Variants in MGAT4C observed in about 807,000 individuals in gnomAD.
MGAT4C encodes the protein alpha-1,3-mannosyl-glycoprotein 4-beta-N-acetylglucosaminyltransferase C.
Under a neutral mutation model 40.1 loss-of-function variants are expected in MGAT4C, and 19 were observed. The ratio of observed to expected loss-of-function variants is 0.47; its 90% confidence interval spans 0.33 to 0.70. The LOEUF is 0.70. Among genes scored for constraint, MGAT4C ranks in the 30% least tolerant of loss-of-function variants. The pLI is 0.02. For synonymous variants in MGAT4C, 181 were observed against 187.1 expected, an observed-to-expected ratio of 0.97 and a Z score of 0.27; for missense variants, 491 against 563.2, an observed-to-expected ratio of 0.87 and a Z score of 1.30.
At chr12:86,788,243 A>G (rs1288162346) in intron 1 of MGAT4C, among the ~76,000 whole-genome samples, 2 of 150,606 alleles carry the variant, frequency 1.3e-5, no homozygotes, top group African/African-American at 4.9e-5. Context: ...TACAGTGGGT[A>G]TCTGTTTTTA....
chr12:86,087,991 G>C (rs914262194), intron 1 of MGAT4C, among the ~76,000 whole-genome samples: 1 of 151,936 alleles, frequency 6.6e-6, no homozygotes, highest in African/African-American at 2.4e-5. Flanking sequence ...TGTATTATAA[G>C]CGTACAGTAA....
chr12:86,765,996 G>A (rs962765792), intron 1 of MGAT4C, among the ~76,000 whole-genome samples: 3 of 152,048 alleles, frequency 2.0e-5, no homozygotes, highest in Non-Finnish European at 2.9e-5. Flanking sequence ...CATAATGACA[G>A]GATCAAATTC....
intron 1 of MGAT4C, among the ~76,000 whole-genome samples, chr12:86,157,288 C>A (rs1470452723): frequency 6.6e-6 from 1 of 151,892 alleles, no homozygotes; most frequent in Non-Finnish European, 1.5e-5. Context: ...GCATAACGAC[C>A]ATCGGTCGAT....
At chr12:86,711,588 C>A (rs2136631943) in intron 2 of MGAT4C, among the ~76,000 whole-genome samples, 1 of 151,984 alleles carries the variant, frequency 6.6e-6, no homozygotes, top group South Asian at 2.1e-4. Context: ...AGTAGTACAA[C>A]TTTTTTAGTT....
chr12:86,020,335 A>G (rs1889566277), intron 2 of MGAT4C, among the ~76,000 whole-genome samples: 1 of 152,166 alleles, frequency 6.6e-6, no homozygotes, highest in Non-Finnish European at 1.5e-5. Context: ...GGTTTGTCAT[A>G]GATAGCTCTT....
In MGAT4C at chr12:86,705,899, A is replaced by T. The variant is rs531164581; in HGVS notation, c.-229+21310T>A. Among the ~76,000 whole-genome samples the T allele has an allele frequency of 2.0e-5, 3 of 152,314 alleles. No individual in the cohort carries two copies. The East Asian group carries it at 5.8e-4, about 29-fold the overall frequency. On this transcript the variant is annotated intron_variant, in intron 2 of 7. Transcript: ENST00000548651. Reference sequence around the variant, plus strand: ...GAGAAAAGAGGATGTCATGTAACACAATCTAGAATTCCTTTTCAATGTATG... The same window carrying T: ...GAGAAAAGAGGATGTCATGTAACACTATCTAGAATTCCTTTTCAATGTATG...
Position 86,792,533 on chromosome 12 carries a change from C to T in MGAT4C, c.-262+46133G>A, listed in dbSNP as rs571745244. Reference sequence around the variant, plus strand: ...CATATTACCCCAAAAATATCAATATCTGGAATTCGAGTCATTGATAGAATG... The same window carrying T: ...CATATTACCCCAAAAATATCAATATTTGGAATTCGAGTCATTGATAGAATG... On this transcript the variant is annotated intron_variant, in intron 1 of 7. Transcript: ENST00000548651. Among the ~76,000 whole-genome samples, 79 of 152,140 alleles carry T rather than the reference C, an allele frequency of 5.2e-4. 2 individuals carry two copies. The highest frequency in any genetic ancestry group is 1.5e-3 in the Admixed American group (23 of 15,278).
chr12:85,972,758 A>C lies in MGAT4C; in HGVS notation c.*6531T>G, dbSNP rs1883688343. 1.3e-5 allele frequency: 2 copies of C among 151,080 alleles called. No individual in the cohort carries two copies. The highest frequency in any genetic ancestry group is 3.0e-5 in the Non-Finnish European group (2 of 67,210). The allele number at this position is 151,080 out of a possible 1,614,324, so 9.4% of individuals were successfully genotyped here. A position where few individuals can be genotyped will look rare whatever the true frequency, so the allele number is the denominator to read the frequency against. Reference sequence around the variant, plus strand: ...CAATTATGATAAAGGATCTGAGATAATTATTCTAACTTTTTGGAACTATAC... The same window carrying C: ...CAATTATGATAAAGGATCTGAGATACTTATTCTAACTTTTTGGAACTATAC... On this transcript the variant is annotated 3_prime_UTR_variant, in exon 5 of 5. Transcript: ENST00000611864.
chr12:86,204,561 C>A (rs1950181142), intron 1 of MGAT4C, among the ~76,000 whole-genome samples: 1 of 152,092 alleles, frequency 6.6e-6, no homozygotes, highest in African/African-American at 2.4e-5. Flanking sequence ...CAGCATACAA[C>A]TTTCAAATAG....
intron 2 of MGAT4C, among the ~76,000 whole-genome samples, chr12:86,709,996 T>C (rs1300989177): frequency 6.6e-6 from 1 of 152,192 alleles, no homozygotes; most frequent in Non-Finnish European, 1.5e-5. Flanking sequence ...CTAACCTTCA[T>C]AATATTGTCC....
chr12:86,074,342 A>G (rs1237455104), intron 1 of MGAT4C, among the ~76,000 whole-genome samples: 1 of 130,098 alleles, frequency 7.7e-6, no homozygotes, highest in Non-Finnish European at 1.6e-5. Context: ...AAACATATAG[A>G]TAGATAGATA....
chr12:86,355,620 AG>A (rs1185069745), intron 3 of MGAT4C, among the ~76,000 whole-genome samples: 2 of 152,208 alleles, frequency 1.3e-5, no homozygotes, highest in East Asian at 3.8e-4. Flanking sequence ...AAGTGTTGAA[AG>A]AAAACAAAAA....
chr12:86,079,911 T>G lies in MGAT4C; in HGVS notation c.-56-30188A>C, dbSNP rs1870504129. On this transcript the variant is annotated intron_variant, in intron 1 of 4. Coordinates refer to ENST00000611864, the MANE Select transcript of MGAT4C (RefSeq NM_001351288.2). ...CACTGTCATTCCAGGTCGTGCTCAT[T>G]GAAATGATTAACTCATTTAGCTAGG... is the stretch of plus-strand genomic sequence containing the variant. 2.0e-5 allele frequency among the ~76,000 whole-genome samples: 3 copies of G among 152,100 alleles called. No homozygotes were observed. In the South Asian group the frequency reaches 6.2e-4, roughly 31 times the overall value.
intron 1 of MGAT4C, among the ~76,000 whole-genome samples, chr12:86,191,114 CA>C (rs1889375765): frequency 5.4e-5 from 8 of 148,466 alleles, no homozygotes; most frequent in Admixed American, 3.3e-4. Context: ...CACACACACA[CA>C]CACACACACA....
chr12:86,796,634 A>G (rs934609063), intron 1 of MGAT4C, among the ~76,000 whole-genome samples: 1 of 151,974 alleles, frequency 6.6e-6, no homozygotes. Flanking sequence ...GACTATAGTT[A>G]ACAATATATA....
At chr12:86,762,042 G>A (rs934009989) in intron 1 of MGAT4C, among the ~76,000 whole-genome samples, 1 of 151,594 alleles carries the variant, frequency 6.6e-6, no homozygotes, top group Non-Finnish European at 1.5e-5. Flanking sequence ...TAATGGTGAG[G>A]GATAGGCTGC....
intron 1 of MGAT4C, among the ~76,000 whole-genome samples, chr12:86,071,048 A>C (rs1868364399): frequency 6.6e-6 from 1 of 152,054 alleles, no homozygotes; most frequent in African/African-American, 2.4e-5. Flanking sequence ...AAAACTCCTA[A>C]GTAATATTAC....
At chr12:86,223,780 G>A (rs563941959) in intron 1 of MGAT4C, among the ~76,000 whole-genome samples, 1 of 152,232 alleles carries the variant, frequency 6.6e-6, no homozygotes, top group East Asian at 1.9e-4. Flanking sequence ...TCCTTCTAAG[G>A]TCTGAGGTCC....
chr12:86,638,017 C>A (rs1272131729), intron 2 of MGAT4C, among the ~76,000 whole-genome samples: 2 of 151,898 alleles, frequency 1.3e-5, no homozygotes, highest in African/African-American at 2.4e-5. Flanking sequence ...ACCCTGTACG[C>A]AGACTTCCTC....
Sources: gnomAD v4.1 joint callset for allele counts (sites outside exome capture counted in the v4.1 genomes callset) on GRCh38, gnomAD v4.1.1 for gene constraint, MANE v1.5 for transcripts, NCBI Gene and HGNC (gene_info 2026-07-23, HGNC 2026-07-21) for gene names.